The following DPY30 variants were observed in gnomAD, a reference collection of about 807,000 sequenced individuals.
The protein encoded by DPY30 is protein dpy-30 homolog.
A neutral mutation model predicts 16.2 loss-of-function variants in DPY30; 6 were observed. The ratio of observed to expected loss-of-function variants is 0.37; its 90% CI spans 0.20 to 0.73. The LOEUF is 0.73. DPY30 is among the 30% of genes least tolerant of loss of function. The pLI is 0.51. For synonymous variants in DPY30, 39 were observed against 38.8 expected (o/e 1.00, Z -0.02); for missense variants, 73 against 113.1 (o/e 0.65, Z 1.61).
chr2:32,014,300 T>C lies in DPY30; in HGVS notation n.378-2248A>G, dbSNP rs1233774383. 3.3e-5 allele frequency among the ~76,000 whole-genome samples: 5 copies of C among 152,062 alleles called. No individual in the cohort carries two copies. The South Asian group carries it at 6.2e-4, about 19-fold the overall frequency. On this transcript the variant is annotated intron_variant and non_coding_transcript_variant, in intron 5 of 5. Transcript: ENST00000414013. ...GAGTTCGAGACCAGCCTGGACAACA[T>C]AGCAAGACAAAAAAAAGCTAAAAAT...
chr2:32,020,532 A>T, downstream of DPY30, among the ~76,000 whole-genome samples: 1 of 152,146 alleles, frequency 6.6e-6, no homozygotes, highest in South Asian at 2.1e-4. Flanking sequence ...AAGTATTAAA[A>T]TTAAAATTAA....
intron 3 of DPY30, among the ~76,000 whole-genome samples, chr2:32,038,410 G>GGC (rs1491219616): frequency 7.6e-5 from 2 of 26,216 alleles, no homozygotes; most frequent in African/African-American, 4.9e-4. Context: ...CTTATTTTGA[G>GGC]GGGGGGGGGG....
At chr2:32,015,202 A>G (rs1261405100) in intron 5 of DPY30, among the ~76,000 whole-genome samples, 1 of 152,202 alleles carries the variant, frequency 6.6e-6, no homozygotes, top group Non-Finnish European at 1.5e-5. Context: ...GAAGCACCCT[A>G]ACACTGAAAG....
downstream of DPY30, among the ~76,000 whole-genome samples, chr2:32,022,784 G>A (rs1472451624): frequency 6.6e-6 from 1 of 151,812 alleles, no homozygotes; most frequent in Non-Finnish European, 1.5e-5. Flanking sequence ...CCAAAGTGCT[G>A]GGATTACAGG....
intron 3 of DPY30, among the ~76,000 whole-genome samples, chr2:32,030,453 AC>A (rs1675492251): frequency 6.6e-6 from 1 of 151,864 alleles, no homozygotes; most frequent in Admixed American, 6.6e-5. Context: ...ACACAGTGAA[AC>A]CCCATCTCTA....
intron 3 of DPY30, among the ~76,000 whole-genome samples, chr2:32,036,266 C>T (rs1222162190): frequency 6.6e-6 from 1 of 152,030 alleles, no homozygotes; most frequent in African/African-American, 2.4e-5. Context: ...GCATGAGTCA[C>T]GTCCCATGGC....
At chr2:32,019,909 CAT>C (rs1385512274), downstream of DPY30, among the ~76,000 whole-genome samples, 7 of 136,772 alleles carry the variant, frequency 5.1e-5, no homozygotes, top group African/African-American at 1.3e-4. Flanking sequence ...TATATATAAA[CAT>C]AAACATATAC....
chr2:32,034,893 G>A (rs925957102), intron 3 of DPY30, among the ~76,000 whole-genome samples: 2 of 151,704 alleles, frequency 1.3e-5, no homozygotes, highest in Non-Finnish European at 2.9e-5. Context: ...CAGCTACTCG[G>A]GAGGCTGAGG....
chr2:32,018,681 T>C (rs1485316229), intron 5 of DPY30, among the ~76,000 whole-genome samples: 1 of 151,052 alleles, frequency 6.6e-6, no homozygotes, highest in Non-Finnish European at 1.5e-5. Context: ...GAGCATGCCA[T>C]TGCACTCCAG....
chr2:32,028,506 A>G (rs770681510), intron 4 of DPY30, among the ~76,000 whole-genome samples: 4 of 152,208 alleles, frequency 2.6e-5, no homozygotes, highest in Non-Finnish European at 4.4e-5. Context: ...TACTCTTGCT[A>G]TTAAGAAAAT....
intron 5 of DPY30, among the ~76,000 whole-genome samples, chr2:32,018,597 C>A (rs1675106654): frequency 6.6e-6 from 1 of 152,056 alleles, no homozygotes; most frequent in Non-Finnish European, 1.5e-5. Flanking sequence ...CATGGTGACA[C>A]TCACCTGTAG....
At chr2:32,014,955 A>G (rs1487801820) in intron 5 of DPY30, among the ~76,000 whole-genome samples, 1 of 152,160 alleles carries the variant, frequency 6.6e-6, no homozygotes, top group Non-Finnish European at 1.5e-5. Flanking sequence ...GAATACTTCT[A>G]GAAGGTAATC....
At chr2:32,022,630 G>C (rs1013191231), downstream of DPY30, among the ~76,000 whole-genome samples, 1 of 151,594 alleles carries the variant, frequency 6.6e-6, no homozygotes, top group Non-Finnish European at 1.5e-5. Context: ...CAAGTCTTCT[G>C]CCTGAGCCTC....
intron 4 of DPY30, among the ~76,000 whole-genome samples, chr2:32,029,266 G>C (rs1675445394): frequency 6.6e-6 from 1 of 152,030 alleles, no homozygotes; most frequent in African/African-American, 2.4e-5. Flanking sequence ...GCTAGATTCT[G>C]TTTCAAAATA....
chr2:32,018,103 G>A (rs924900293), intron 5 of DPY30, among the ~76,000 whole-genome samples: 3 of 152,034 alleles, frequency 2.0e-5, no homozygotes, highest in Admixed American at 1.3e-4. Flanking sequence ...CCAATCTATA[G>A]TATTTTGTTA....
chr2:32,017,564 G>T (rs941211359), intron 5 of DPY30, among the ~76,000 whole-genome samples: 1 of 150,162 alleles, frequency 6.7e-6, no homozygotes. Context: ...GCAGTGAGTC[G>T]AGATAGTGCC....
intron 3 of DPY30, among the ~76,000 whole-genome samples, chr2:32,034,100 G>A (rs561914258): frequency 6.6e-6 from 1 of 152,238 alleles, no homozygotes; most frequent in Admixed American, 6.6e-5. Context: ...GAGAAGAAAG[G>A]CGCATGGAGA....
At chr2:32,039,110 C>G (rs1349901704) in intron 3 of DPY30, among the ~76,000 whole-genome samples, 169 bp downstream of exon 3, 1 of 152,048 alleles carries the variant, frequency 6.6e-6, no homozygotes, top group Non-Finnish European at 1.5e-5. Flanking sequence ...GTCTGTACAC[C>G]AAGAAGCATT....
At chr2:32,039,582 C>T (rs1473677727) in intron 1 of DPY30, 90 bp from the exon 2 acceptor site, 2 of 1,308,004 alleles carry the variant, frequency 1.5e-6, no homozygotes, top group East Asian at 2.5e-5. Flanking sequence ...GACCCCGCCC[C>T]TCACCCCCAC....
Sources: gnomAD v4.1 joint callset for allele counts (sites outside exome capture counted in the v4.1 genomes callset) on GRCh38, gnomAD v4.1.1 for gene constraint, MANE v1.5 for transcripts, NCBI Gene and HGNC (gene_info 2026-07-23, HGNC 2026-07-21) for gene names.